PAWR: variants seen among roughly 807,000 people sequenced by gnomAD.
PAWR encodes the protein PRKC apoptosis WT1 regulator protein.
In PAWR, 23 loss-of-function variants were observed where a neutral mutation model predicts 32.0. The observed-to-expected ratio is 0.72, with a 90% CI of 0.52 to 1.02. The LOEUF (loss-of-function observed/expected upper bound fraction) is 1.02. Ranked by LOEUF, PAWR falls within the 50% of genes least tolerant of loss-of-function variation. The pLI, the probability that PAWR is intolerant of heterozygous loss-of-function variation, is 0.00. For missense variants in PAWR, 457 were observed against 437.7 expected (o/e 1.04, Z -0.39); for synonymous variants, 226 against 187.1 (o/e 1.21, Z -1.70).
At chr12:79,664,662 G>GT (rs375870355) in intron 2 of PAWR, among the ~76,000 whole-genome samples, 12 of 146,322 alleles carry the variant, frequency 8.2e-5, no homozygotes, top group East Asian at 2.0e-4. Context: ...CTTTGGCGGG[G>GT]GGGGGAGGAG....
intron 2 of PAWR, chr12:79,668,488 G>C (rs1877721746): frequency 6.6e-6 from 1 of 152,228 alleles, no homozygotes; most frequent in African/African-American, 2.4e-5. Context: ...TGGCACCAGG[G>C]ACTGGTTTCA....
At position 79,595,883 on chromosome 12, in the gene PAWR, A is replaced by C. The variant is rs185318560; in HGVS notation, c.831+628T>G. 2.8e-3 allele frequency among the ~76,000 whole-genome samples: 420 copies of C among 152,208 alleles called. 4 individuals are homozygous for C. The highest frequency in any genetic ancestry group is 4.9e-3 in the Non-Finnish European group (332 of 68,000). On this transcript the variant is annotated intron_variant, in intron 5 of 6. Coordinates refer to ENST00000328827, the MANE Select transcript of PAWR (RefSeq NM_002583.4). ...TAAATAAATAAATAAAAATAAATAAAACTATGAAATAATAATTCCAAGAAG... is the reference window on the plus strand; with the variant it reads ...TAAATAAATAAATAAAAATAAATAACACTATGAAATAATAATTCCAAGAAG...
intron 4 of PAWR, 29 bp downstream of exon 4, chr12:79,613,546 C>T: frequency 7.8e-7 from 1 of 1,282,894 alleles, no homozygotes; most frequent in Non-Finnish European, 1.1e-6. Context: ...TTCATGTCTA[C>T]AATATGTTTA....
intron 2 of PAWR, among the ~76,000 whole-genome samples, chr12:79,622,029 C>G (rs1176638010): frequency 6.6e-6 from 1 of 150,876 alleles, no homozygotes; most frequent in African/African-American, 2.4e-5. Context: ...CAAACAAAAA[C>G]AAAAACAAAA....
intron 2 of PAWR, 49 bp downstream of exon 2, chr12:79,689,680 G>C: frequency 6.6e-7 from 1 of 1,519,694 alleles, no homozygotes; most frequent in Non-Finnish European, 8.8e-7. Context: ...ACACCGGGAG[G>C]CAGCTGCCCG....
chr12:79,626,162 T>TAAAAAAAAAAAAAAAAAAAAAAA (rs1566007978), intron 2 of PAWR, among the ~76,000 whole-genome samples: 1 of 41,858 alleles, frequency 2.4e-5, no homozygotes, highest in African/African-American at 1.5e-4. Flanking sequence ...AGACTCCATC[T>TAAAAAAAAAAAAAAAAAAAAAAA]TAAAAAAAAA....
chr12:79,620,062 C>G (rs1874928262), intron 3 of PAWR, among the ~76,000 whole-genome samples: 1 of 152,144 alleles, frequency 6.6e-6, no homozygotes, highest in South Asian at 2.1e-4. Flanking sequence ...TTCAAATAAT[C>G]TAGCAACAAA....
At chr12:79,674,800 G>A (rs757043559) in intron 2 of PAWR, among the ~76,000 whole-genome samples, 2 of 151,916 alleles carry the variant, frequency 1.3e-5, no homozygotes, top group Admixed American at 6.6e-5. Context: ...ACAAGCATAT[G>A]AAAAAAATGC....
chr12:79,650,920 G>A (rs961546976), intron 2 of PAWR, among the ~76,000 whole-genome samples: 4 of 152,126 alleles, frequency 2.6e-5, no homozygotes, highest in Non-Finnish European at 5.9e-5. Flanking sequence ...TATTTCAAAT[G>A]TTCAATTTGC....
At chr12:79,632,361 A>ATT (rs755937992) in intron 2 of PAWR, among the ~76,000 whole-genome samples, 640 of 20,480 alleles carry the variant, frequency 0.031, 56 homozygotes, top group Non-Finnish European at 0.034. Context: ...ATATATATAT[A>ATT]TTTTTTTTTT....
rs60664351 is a variant in PAWR, at chr12:79,645,036, C to CCACACA, written c.517-23835_517-23830dup. 9.1e-3 allele frequency among the ~76,000 whole-genome samples: 1,092 copies of CCACACA among 119,982 alleles called. 4 individuals are homozygous for CCACACA. The highest frequency in any genetic ancestry group is 0.022 in the Middle Eastern group (5 of 232). 78.7% of individuals were successfully genotyped at this position (119,982 alleles called of 152,430 possible). On this transcript the variant is annotated intron_variant, in intron 2 of 6. Coordinates refer to ENST00000328827, the MANE Select transcript of PAWR (RefSeq NM_002583.4). ...AAGAATCATGCTCCCTCCACCCCCACCACACACACACACACACACACACAC... is the reference window on the plus strand; with the variant it reads ...AAGAATCATGCTCCCTCCACCCCCACCACACACACACACACACACACACACACACAC...
chr12:79,666,538 G>C (rs1256460936), intron 2 of PAWR, among the ~76,000 whole-genome samples: 5 of 152,170 alleles, frequency 3.3e-5, no homozygotes, highest in Non-Finnish European at 7.3e-5. Flanking sequence ...TCTCCCATGA[G>C]TGTACACAAA....
rs570943135 is a variant in PAWR, at chr12:79,639,711, T to C, written c.517-18504A>G. Among the ~76,000 whole-genome samples the C allele has an allele frequency of 2.0e-5, 3 of 152,314 alleles. No individual in the cohort carries two copies. In the South Asian group the frequency reaches 6.2e-4, roughly 32 times the overall value. On this transcript the variant is annotated intron_variant, in intron 2 of 6. Transcript: ENST00000328827. ...AAGTTTAGGTCTATATAAAACAAACTAAAACTACCTTGTATGTTAACTGGC... is the reference window on the plus strand; with the variant it reads ...AAGTTTAGGTCTATATAAAACAAACCAAAACTACCTTGTATGTTAACTGGC...
chr12:79,654,078 C>G (rs925422888), intron 2 of PAWR, among the ~76,000 whole-genome samples: 1 of 152,108 alleles, frequency 6.6e-6, no homozygotes, highest in Non-Finnish European at 1.5e-5. Flanking sequence ...CATGTTAAAA[C>G]AGCTGCTGTA....
At chr12:79,659,381 G>A (rs1877244607) in intron 2 of PAWR, among the ~76,000 whole-genome samples, 1 of 152,086 alleles carries the variant, frequency 6.6e-6, no homozygotes, top group Non-Finnish European at 1.5e-5. Flanking sequence ...CGGGAAAGGT[G>A]AGTAAACATA....
intron 2 of PAWR, among the ~76,000 whole-genome samples, chr12:79,647,733 C>G (rs1210582338): frequency 6.6e-6 from 1 of 152,094 alleles, no homozygotes. Flanking sequence ...AGCACCAGTT[C>G]TGGGGAAGGG....
intron 2 of PAWR, among the ~76,000 whole-genome samples, chr12:79,627,091 T>C (rs1204278539): frequency 6.6e-6 from 1 of 152,188 alleles, no homozygotes; most frequent in Admixed American, 6.5e-5. Flanking sequence ...TTATAATCCT[T>C]TGGGTATATA....
intron 2 of PAWR, among the ~76,000 whole-genome samples, chr12:79,637,012 G>C (rs962125537): frequency 6.6e-6 from 1 of 151,990 alleles, no homozygotes; most frequent in Admixed American, 6.6e-5. Flanking sequence ...AACTACAATA[G>C]AACTAAAATG....
intron 2 of PAWR, among the ~76,000 whole-genome samples, chr12:79,681,103 C>T (rs936970917): frequency 1.1e-4 from 12 of 109,296 alleles, no homozygotes; most frequent in African/African-American, 4.0e-4. Flanking sequence ...GACAGAGATC[C>T]TGTCTCAGAA....
Sources: allele counts gnomAD v4.1 joint callset (sites outside exome capture counted in the v4.1 genomes callset), GRCh38; gene constraint gnomAD v4.1.1; transcripts MANE v1.5; gene names NCBI Gene and HGNC (gene_info 2026-07-23, HGNC 2026-07-21).